DIP2A: variants seen among roughly 807,000 people sequenced by gnomAD.
DIP2A encodes DIP2 acetate--CoA ligase A.
Under a neutral mutation model 177.4 loss-of-function variants are expected in DIP2A, and 85 were observed. The observed-to-expected ratio is 0.48, with a 90% CI of 0.40 to 0.57. DIP2A has a LOEUF of 0.57. DIP2A is among the 20% of genes least tolerant of loss of function. The pLI, the probability that DIP2A is intolerant of heterozygous loss-of-function variation, is 0.00. For missense variants in DIP2A, 1,791 were observed against 2,100.2 expected, an observed-to-expected ratio of 0.85 and a Z score of 2.88; for synonymous variants, 886 against 881.8, an observed-to-expected ratio of 1.00 and a Z score of -0.08.
intron 8 of DIP2A, among the ~76,000 whole-genome samples, chr21:46,528,027 G>A (rs1371465771): frequency 6.6e-6 from 1 of 152,134 alleles, no homozygotes; most frequent in South Asian, 2.1e-4. Context: ...GCCAGGAGGG[G>A]TGTGTGGTGG....
At chr21:46,524,491 G>C (rs553895360) in intron 8 of DIP2A, among the ~76,000 whole-genome samples, 28 of 152,192 alleles carry the variant, frequency 1.8e-4, no homozygotes, top group African/African-American at 6.7e-4. Flanking sequence ...CTTTGGGTCG[G>C]GGGTCTCCTC....
At position 46,459,078 on chromosome 21, in the gene DIP2A, G is replaced by T; in HGVS notation, c.-54G>T. On this transcript the variant is annotated 5_prime_UTR_variant, in exon 1 of 38. Coordinates refer to ENST00000417564, the MANE Select transcript of DIP2A (RefSeq NM_015151.4). ...CTACGTAGCCGAGGTTTGCGCTGCC[G>T]CCGCCAGGCCCGGTCCGGTTCCAGC... 1 of 1,372,692 alleles carries T rather than the reference G, an allele frequency of 7.3e-7. No individual in the cohort carries two copies. The highest frequency in any genetic ancestry group is 9.4e-7 in the Non-Finnish European group (1 of 1,058,468). The allele number at this position is 1,372,692 out of a possible 1,614,324, so 85.0% of individuals were successfully genotyped here.
At chr21:46,489,496 A>G (rs1248402091) in intron 2 of DIP2A, among the ~76,000 whole-genome samples, 1 of 151,618 alleles carries the variant, frequency 6.6e-6, no homozygotes, top group Admixed American at 6.6e-5. Context: ...GGGGCTTAAC[A>G]CTCTAGACTT....
chr21:46,466,171 C>T (rs981136884), intron 1 of DIP2A, among the ~76,000 whole-genome samples: 9 of 152,018 alleles, frequency 5.9e-5, no homozygotes, highest in African/African-American at 2.2e-4. Context: ...AATGTGTCAG[C>T]ATTTGGAAGA....
Position 46,459,982 on chromosome 21 carries a change from C to T in DIP2A, c.91+760C>T, listed in dbSNP as rs374020253. ...TGGGCTTCACCAGGATGACTGCGCC[C>T]GTTGTCCGCAGGCAGCTACTTCCCT... On this transcript the variant is annotated intron_variant, in intron 1 of 37. Transcript: ENST00000417564. Among the ~76,000 whole-genome samples the T allele has an allele frequency of 3.3e-4, 51 of 152,244 alleles. No homozygotes were observed. The East Asian group carries it at 9.1e-3, about 27-fold the overall frequency.
intron 32 of DIP2A, chr21:46,559,217 A>G (rs2060583852): frequency 6.6e-6 from 1 of 151,566 alleles, no homozygotes; most frequent in Admixed American, 6.6e-5. Flanking sequence ...CAGATTTTGT[A>G]CTAGTATCTC....
chr21:46,549,617 TGA>T (rs1377852398), intron 21 of DIP2A, among the ~76,000 whole-genome samples, 152 bp from the exon 22 acceptor site: 2 of 152,238 alleles, frequency 1.3e-5, no homozygotes, highest in Non-Finnish European at 2.9e-5. Context: ...ATTAGAATGA[TGA>T]GTTACTTTTT....
chr21:46,473,846 A>G (rs917262800), intron 1 of DIP2A, among the ~76,000 whole-genome samples: 9 of 152,142 alleles, frequency 5.9e-5, no homozygotes, highest in African/African-American at 2.2e-4. Flanking sequence ...GTCTTCTTTA[A>G]TAAATGATGG....
chr21:46,521,881 A>C (rs2058838965), intron 8 of DIP2A, among the ~76,000 whole-genome samples: 1 of 151,592 alleles, frequency 6.6e-6, no homozygotes, highest in Non-Finnish European at 1.5e-5. Context: ...TAATCTAGGC[A>C]AAAAAAAATC....
chr21:46,556,700 A>G lies in DIP2A; in HGVS notation c.3499-239A>G, dbSNP rs2060481892. The G allele has an allele frequency of 6.1e-6, 3 of 495,770 alleles. No individual in the cohort carries two copies. Among genetic ancestry groups the G allele is most frequent in the African/African-American group, 3.9e-5 (2 of 51,494 alleles). The allele number at this position is 495,770 out of a possible 1,614,324, so 30.7% of individuals were successfully genotyped here. A position where few individuals can be genotyped will look rare whatever the true frequency, so the allele number is the denominator to read the frequency against. On this transcript the variant is annotated intron_variant, in intron 29 of 37. Transcript: ENST00000417564. The surrounding 1 kb of genome is among the most constrained non-coding windows in gnomAD (Gnocchi z 4.5). Reference sequence around the variant, plus strand: ...TCTGCCTCAAAAAAAAAAAAAAGAAAAAAATTTTAAAAATTCATTACCCTG... The same window carrying G: ...TCTGCCTCAAAAAAAAAAAAAAGAAGAAAATTTTAAAAATTCATTACCCTG...
chr21:46,461,897 CA>C (rs34255178), intron 1 of DIP2A, among the ~76,000 whole-genome samples: 133 of 138,628 alleles, frequency 9.6e-4, no homozygotes, highest in African/African-American at 9.3e-4. Flanking sequence ...CTGCCTCTTC[CA>C]AAAAAAAAAA....
At chr21:46,516,920 C>G (rs2148663167) in intron 8 of DIP2A, among the ~76,000 whole-genome samples, 1 of 152,178 alleles carries the variant, frequency 6.6e-6, no homozygotes, top group Non-Finnish European at 1.5e-5. Flanking sequence ...TCTCATTATT[C>G]CATACACTTT....
rs371515090 is a variant in DIP2A, at chr21:46,486,638, C to A, written c.163+1810C>A. Among the ~76,000 whole-genome samples the A allele has an allele frequency of 1.8e-4, 28 of 152,298 alleles. No individual in the cohort carries two copies. The East Asian group carries it at 4.6e-3, about 25-fold the overall frequency. ...AATGAGCAAATGTAAAGATGTTTAA[C>A]CTCACTAGTAATCAGAGCAATGCAC... On this transcript the variant is annotated intron_variant, in intron 2 of 37. Transcript: ENST00000417564.
At chr21:46,512,193 AACTTACTTAC>A (rs1270316043) in intron 8 of DIP2A, among the ~76,000 whole-genome samples, 1 of 152,102 alleles carries the variant, frequency 6.6e-6, no homozygotes, top group East Asian at 1.9e-4. Context: ...AATATACTGG[AACTTACTTAC>A]ACACTCTTAA....
intron 8 of DIP2A, among the ~76,000 whole-genome samples, chr21:46,515,620 T>C (rs1474052329): frequency 6.6e-6 from 1 of 152,134 alleles, no homozygotes; most frequent in Non-Finnish European, 1.5e-5. Context: ...CACTGCAAGC[T>C]CCACCCCCCA....
At chr21:46,487,841 C>A (rs2056782894) in intron 2 of DIP2A, among the ~76,000 whole-genome samples, 1 of 152,160 alleles carries the variant, frequency 6.6e-6, no homozygotes, top group Non-Finnish European at 1.5e-5. Flanking sequence ...TACCAGTTTC[C>A]TAACTGGAAA....
chr21:46,545,821 C>T, intron 19 of DIP2A, 60 bp from the exon 20 acceptor site: 2 of 1,588,160 alleles, frequency 1.3e-6, no homozygotes, highest in Non-Finnish European at 1.7e-6. Flanking sequence ...CCTGCTGGGT[C>T]TTTTTGGCCA....
chr21:46,570,561 A>G (rs1251062690), downstream of DIP2A, among the ~76,000 whole-genome samples: 1 of 152,142 alleles, frequency 6.6e-6, no homozygotes, highest in Non-Finnish European at 1.5e-5. Context: ...TTTTGGTTCT[A>G]TCTGTTTTGG....
At chr21:46,532,418 CTCT>C (rs1165772632) in intron 10 of DIP2A, among the ~76,000 whole-genome samples, 181 bp downstream of exon 10, 4 of 152,152 alleles carry the variant, frequency 2.6e-5, no homozygotes, top group Non-Finnish European at 4.4e-5. Context: ...TTGCCTGCCT[CTCT>C]TCTTGTTAAT....
Sources: allele counts gnomAD v4.1 joint callset (sites outside exome capture counted in the v4.1 genomes callset), GRCh38; gene constraint gnomAD v4.1.1; non-coding constraint Gnocchi (gnomAD v3.1); transcripts MANE v1.5; gene names NCBI Gene and HGNC (gene_info 2026-07-23, HGNC 2026-07-21).